ALK: variants seen among roughly 807,000 people sequenced by gnomAD.
The protein encoded by ALK is ALK tyrosine kinase receptor.
ALK carries 74 observed loss-of-function variants against 163.1 expected under a neutral mutation model. The observed-to-expected ratio is 0.45, with a 90% CI of 0.38 to 0.55. The LOEUF (loss-of-function observed/expected upper bound fraction) is 0.55. Ranked by LOEUF, ALK falls within the 20% of genes least tolerant of loss-of-function variation. ALK has a pLI of 0.00. For missense variants in ALK, 2,063 were observed against 2,105.3 expected, an observed-to-expected ratio of 0.98 and a Z score of 0.39; for synonymous variants, 960 against 843.2, an observed-to-expected ratio of 1.14 and a Z score of -2.40.
At chr2:29,621,244 A>G (rs913018987) in intron 3 of ALK, among the ~76,000 whole-genome samples, 4 of 152,148 alleles carry the variant, frequency 2.6e-5, no homozygotes, top group Non-Finnish European at 5.9e-5. Context: ...AGGTGAGAAA[A>G]AAAAAACAAC....
At chr2:29,779,221 G>T (rs1413114186) in intron 1 of ALK, among the ~76,000 whole-genome samples, 1 of 152,118 alleles carries the variant, frequency 6.6e-6, no homozygotes, top group Non-Finnish European at 1.5e-5. Flanking sequence ...AGGCCTCTAG[G>T]AAGGGTTAAG....
intron 5 of ALK, among the ~76,000 whole-genome samples, chr2:29,329,985 C>T (rs1018735238): frequency 1.3e-5 from 2 of 152,174 alleles, no homozygotes; most frequent in African/African-American, 2.4e-5. Context: ...CTCCATCTCA[C>T]GGAAGGAGAT....
chr2:29,860,814 C>T (rs761369538), intron 1 of ALK, among the ~76,000 whole-genome samples: 55 of 152,064 alleles, frequency 3.6e-4, no homozygotes, highest in African/African-American at 1.3e-3. Flanking sequence ...TTAAAAATAT[C>T]TTGAGACAAA....
intron 5 of ALK, among the ~76,000 whole-genome samples, chr2:29,368,962 A>G (rs1479138121): frequency 6.6e-6 from 1 of 152,158 alleles, no homozygotes; most frequent in Non-Finnish European, 1.5e-5. Context: ...ATAAACAAAC[A>G]TACATCAAAA....
intron 23 of ALK, among the ~76,000 whole-genome samples, chr2:29,219,347 G>A (rs1228442761): frequency 6.6e-6 from 1 of 152,172 alleles, no homozygotes; most frequent in Non-Finnish European, 1.5e-5. Flanking sequence ...TAAGGTGAAG[G>A]TATTTTACAT....
intron 1 of ALK, among the ~76,000 whole-genome samples, chr2:29,884,957 T>C (rs1336488303): frequency 6.6e-6 from 1 of 152,200 alleles, no homozygotes; most frequent in African/African-American, 2.4e-5. Flanking sequence ...GAGGAAGGGA[T>C]AGGCTAACTC....
intron 11 of ALK, among the ~76,000 whole-genome samples, chr2:29,256,227 T>C (rs1258420803): frequency 2.6e-5 from 4 of 152,344 alleles, no homozygotes; most frequent in African/African-American, 9.6e-5. Context: ...GTGTGCTTCC[T>C]GACTTGTTTT....
At chr2:29,893,775 TTCAAGAACAGTGGC>T (rs1450764137) in intron 1 of ALK, among the ~76,000 whole-genome samples, 6 of 152,142 alleles carry the variant, frequency 3.9e-5, no homozygotes, top group Non-Finnish European at 8.8e-5. Flanking sequence ...CTTACTGAAT[TTCAAGAACAGTGGC>T]TCAAGAAGTT....
At chr2:29,393,397 T>C (rs966875231) in intron 4 of ALK, among the ~76,000 whole-genome samples, 2 of 152,180 alleles carry the variant, frequency 1.3e-5, no homozygotes, top group Non-Finnish European at 2.9e-5. Context: ...GCCATAAAAC[T>C]AGAATGGTTA....
chr2:29,201,182 A>G (rs947772951), intron 26 of ALK, among the ~76,000 whole-genome samples: 1 of 152,106 alleles, frequency 6.6e-6, no homozygotes, highest in African/African-American at 2.4e-5. Context: ...ATATCTTTAA[A>G]TGTCCATCCA....
At chr2:29,194,916 C>T (rs6709279) in intron 28 of ALK, among the ~76,000 whole-genome samples, 74,835 of 151,992 alleles carry the variant, frequency 0.49, 20,217 homozygotes, top group East Asian at 0.74. Context: ...CAGTAATAGA[C>T]TGTAACATAG....
chr2:29,908,280 GCACACA>G (rs10607985), intron 1 of ALK, among the ~76,000 whole-genome samples: 7,349 of 147,902 alleles, frequency 0.05, 356 homozygotes, highest in East Asian at 0.21. Context: ...ACTCTCCAGA[GCACACA>G]CACACACACA....
chr2:29,303,990 C>T (rs1487352868), intron 8 of ALK, among the ~76,000 whole-genome samples: 1 of 152,140 alleles, frequency 6.6e-6, no homozygotes, highest in Non-Finnish European at 1.5e-5. Flanking sequence ...TATGCTATTG[C>T]ATAACGTAAC....
chr2:29,768,454 A>G (rs983405079), intron 1 of ALK, among the ~76,000 whole-genome samples: 1 of 152,350 alleles, frequency 6.6e-6, no homozygotes, highest in Admixed American at 6.5e-5. Context: ...TTGCATAAAA[A>G]TCTAATACTA....
At chr2:29,581,734 C>T (rs1674697607) in intron 3 of ALK, among the ~76,000 whole-genome samples, 2 of 152,190 alleles carry the variant, frequency 1.3e-5, no homozygotes, top group South Asian at 2.1e-4. Context: ...CCTCAGCCCT[C>T]TGGATCCCCA....
intron 2 of ALK, among the ~76,000 whole-genome samples, chr2:29,711,585 T>A (rs1288784660): frequency 6.6e-6 from 1 of 151,626 alleles, no homozygotes; most frequent in Non-Finnish European, 1.5e-5. Context: ...CCATTCTCTG[T>A]GTTGGTGGAG....
At chr2:29,582,274 T>C (rs780366425) in intron 3 of ALK, among the ~76,000 whole-genome samples, 1 of 152,150 alleles carries the variant, frequency 6.6e-6, no homozygotes, top group South Asian at 2.1e-4. Flanking sequence ...AGGAAGATAT[T>C]TGAATAGTAC....
intron 1 of ALK, among the ~76,000 whole-genome samples, chr2:29,907,819 C>A (rs72857519): frequency 0.011 from 1,677 of 152,312 alleles, 18 homozygotes; most frequent in African/African-American, 0.038. Context: ...CAGATACCCT[C>A]ATCTTTGGAT....
intron 26 of ALK, among the ~76,000 whole-genome samples, chr2:29,202,168 T>G (rs1051794216): frequency 1.3e-5 from 2 of 152,202 alleles, no homozygotes; most frequent in African/African-American, 4.8e-5. Context: ...TTCCTGCCTC[T>G]GGCTGTTCAC....
Sources: allele counts gnomAD v4.1 joint callset (sites outside exome capture counted in the v4.1 genomes callset), GRCh38; gene constraint gnomAD v4.1.1; transcripts MANE v1.5; gene names NCBI Gene and HGNC (gene_info 2026-07-23, HGNC 2026-07-21).